The following UBAP2 variants were observed in gnomAD, a reference collection of about 807,000 sequenced individuals.
The protein encoded by UBAP2 is ubiquitin-associated protein 2.
A neutral mutation model predicts 139.6 loss-of-function variants in UBAP2; 75 were observed. The ratio of observed to expected loss-of-function variants is 0.54; its 90% CI spans 0.45 to 0.65. The LOEUF (loss-of-function observed/expected upper bound fraction) is 0.65. Among genes scored for constraint, UBAP2 ranks in the 30% least tolerant of loss-of-function variants. UBAP2 has a pLI of 0.00. For synonymous variants in UBAP2, 526 were observed against 526.2 expected (o/e 1.00, Z 0.01); for missense variants, 1,368 against 1,369.6 (o/e 1.00, Z 0.02).
intron 4 of UBAP2, among the ~76,000 whole-genome samples, chr9:33,990,810 T>TA (rs1821643256): frequency 6.6e-6 from 1 of 151,968 alleles, no homozygotes; most frequent in South Asian, 2.1e-4. Context: ...TGAATTTTTG[T>TA]AATTTTAGTA....
intron 1 of UBAP2, among the ~76,000 whole-genome samples, chr9:34,035,245 G>A (rs940215819): frequency 2.6e-5 from 4 of 151,762 alleles, no homozygotes; most frequent in African/African-American, 9.7e-5. Flanking sequence ...GCTCACGCCT[G>A]TAATCCCAGC....
intron 6 of UBAP2, among the ~76,000 whole-genome samples, chr9:33,986,392 A>G (rs1821215824): frequency 6.6e-6 from 1 of 152,220 alleles, no homozygotes; most frequent in African/African-American, 2.4e-5. Flanking sequence ...ACTACAACTC[A>G]CTGAAAGCTC....
intron 1 of UBAP2, among the ~76,000 whole-genome samples, chr9:34,039,378 C>G (rs1268784534): frequency 6.6e-6 from 1 of 152,148 alleles, no homozygotes; most frequent in Admixed American, 6.6e-5. Context: ...TGAGAACGGG[C>G]CATGATGACG....
At chr9:33,954,269 T>TATACACACACACACACACACAC (rs370755129) in intron 11 of UBAP2, among the ~76,000 whole-genome samples, 1 of 139,810 alleles carries the variant, frequency 7.2e-6, no homozygotes, top group Non-Finnish European at 1.5e-5. Context: ...TGTGTGTATA[T>TATACACACACACACACACACAC]ACACACACAC....
chr9:34,017,040 A>G lies in UBAP2; in HGVS notation c.99+10T>C. 3 of 1,570,984 alleles carry G rather than the reference A, an allele frequency of 1.9e-6. No homozygotes were observed. Among genetic ancestry groups the G allele is most frequent in the Non-Finnish European group, 2.6e-6 (3 of 1,167,472 alleles). On this transcript the variant is annotated intron_variant, in intron 2 of 28. Transcript: ENST00000379238. ...AGGAAAAAAAAAAAAAGAGTTCCACAAAAACTTACCTGTACCACTTGTTTC... is the reference window on the plus strand; with the variant it reads ...AGGAAAAAAAAAAAAAGAGTTCCACGAAAACTTACCTGTACCACTTGTTTC...
At chr9:34,038,748 T>C (rs945178889) in intron 1 of UBAP2, among the ~76,000 whole-genome samples, 3 of 150,870 alleles carry the variant, frequency 2.0e-5, no homozygotes, top group Non-Finnish European at 1.5e-5. Flanking sequence ...CCGCCCATCG[T>C]CTGGGATGTG....
At chr9:33,952,597 G>A (rs1826192061) in intron 12 of UBAP2, among the ~76,000 whole-genome samples, 1 of 152,130 alleles carries the variant, frequency 6.6e-6, no homozygotes. Context: ...AGTCAATTCT[G>A]ATAAACTTTC....
At chr9:33,963,035 TGA>T (rs1359698587) in intron 9 of UBAP2, among the ~76,000 whole-genome samples, 1 of 152,086 alleles carries the variant, frequency 6.6e-6, no homozygotes, top group African/African-American at 2.4e-5. Context: ...CCTACCACTT[TGA>T]GAGCAGTATT....
intron 1 of UBAP2, among the ~76,000 whole-genome samples, chr9:34,045,077 G>A (rs1183363728): frequency 2.0e-5 from 3 of 152,080 alleles, no homozygotes; most frequent in African/African-American, 4.8e-5. Context: ...GCTGGGCGCC[G>A]TGGCTCACCC....
rs1041990633 is a variant in UBAP2 at position 34,039,272 on chromosome 9, TG to T, written c.-42+9552del. 5.5e-4 allele frequency among the ~76,000 whole-genome samples: 73 copies of T among 133,652 alleles called. 1 individual carries two copies. Among genetic ancestry groups the T allele is most frequent in the African/African-American group, 1.9e-3 (66 of 34,846 alleles). The allele number at this position is 133,652 out of a possible 152,430, so 87.7% of individuals were successfully genotyped here. ...CCTGGCCGCCGCCCCGTCCGAGAGG[TG>T]GGGGGGGCGCCTCTGCCCGGCCACC... is the stretch of plus-strand genomic sequence containing the variant. On this transcript the variant is annotated intron_variant, in intron 1 of 28. Transcript: ENST00000379238.
intron 9 of UBAP2, among the ~76,000 whole-genome samples, chr9:33,961,492 C>T (rs1189526145): frequency 1.3e-5 from 2 of 152,160 alleles, no homozygotes; most frequent in Non-Finnish European, 2.9e-5. Context: ...TTACAGAATA[C>T]TCATCCATAA....
chr9:34,037,306 G>A (rs1420793782), intron 1 of UBAP2, among the ~76,000 whole-genome samples: 7 of 151,806 alleles, frequency 4.6e-5, no homozygotes, highest in African/African-American at 1.7e-4. Flanking sequence ...GCTAATTTTT[G>A]TATTTTTTGG....
At chr9:34,013,958 T>C (rs1161878464) in intron 2 of UBAP2, among the ~76,000 whole-genome samples, 1 of 151,940 alleles carries the variant, frequency 6.6e-6, no homozygotes, top group Non-Finnish European at 1.5e-5. Flanking sequence ...TAGCAAATAC[T>C]TCCCAGAATA....
intron 17 of UBAP2, among the ~76,000 whole-genome samples, 198 bp from the exon 18 acceptor site, chr9:33,933,826 C>T (rs771421539): frequency 6.6e-6 from 1 of 152,198 alleles, no homozygotes; most frequent in Non-Finnish European, 1.5e-5. Flanking sequence ...AAGGACACCA[C>T]ACCATGGTCA....
intron 1 of UBAP2, among the ~76,000 whole-genome samples, chr9:34,031,789 C>CAA (rs138160278): frequency 2.9e-5 from 3 of 102,918 alleles, no homozygotes; most frequent in African/African-American, 7.5e-5. Context: ...TGTCCCAAAC[C>CAA]AAAAAAAAAA....
chr9:34,048,382 G>C (rs1223416126), intron 1 of UBAP2, among the ~76,000 whole-genome samples: 2 of 152,198 alleles, frequency 1.3e-5, no homozygotes, highest in Admixed American at 1.3e-4. Context: ...CGCATAAGTT[G>C]GGGCTATAAC....
chr9:34,004,607 C>A (rs1453972191), intron 2 of UBAP2, among the ~76,000 whole-genome samples: 1 of 151,150 alleles, frequency 6.6e-6, no homozygotes, highest in Non-Finnish European at 1.5e-5. Context: ...ACGGTGAAAC[C>A]CCGTCTCTAC....
At chr9:34,005,868 C>T (rs765583008) in intron 2 of UBAP2, among the ~76,000 whole-genome samples, 1 of 152,130 alleles carries the variant, frequency 6.6e-6, no homozygotes, top group Non-Finnish European at 1.5e-5. Context: ...AATGAAAATA[C>T]ACCGTCCTTG....
intron 1 of UBAP2, among the ~76,000 whole-genome samples, chr9:34,042,254 G>A (rs1047849901): frequency 4.6e-5 from 7 of 150,652 alleles, no homozygotes; most frequent in African/African-American, 7.3e-5. Flanking sequence ...TCAGGTGGGC[G>A]GATCATGAGG....
Sources: allele counts gnomAD v4.1 joint callset (sites outside exome capture counted in the v4.1 genomes callset), GRCh38; gene constraint gnomAD v4.1.1; transcripts MANE v1.5; gene names NCBI Gene and HGNC (gene_info 2026-07-23, HGNC 2026-07-21).